GRIN2B: variants seen among roughly 807,000 people sequenced by gnomAD.
The protein encoded by GRIN2B is glutamate ionotropic receptor NMDA type subunit 2B.
Under a neutral mutation model 114.5 loss-of-function variants are expected in GRIN2B, and 5 were observed. The observed-to-expected ratio is 0.04, with a 90% CI of 0.02 to 0.09. The LOEUF (loss-of-function observed/expected upper bound fraction) is 0.09. Ranked by LOEUF, GRIN2B falls within the 10% of genes least tolerant of loss-of-function variation. GRIN2B has a pLI of 1.00. For synonymous variants in GRIN2B, 787 were observed against 745.1 expected, an observed-to-expected ratio of 1.06 and a Z score of -0.92; for missense variants, 1,108 against 1,943.5, an observed-to-expected ratio of 0.57 and a Z score of 8.08.
intron 3 of GRIN2B, among the ~76,000 whole-genome samples, chr12:13,813,105 A>G (rs1017056211): frequency 6.6e-6 from 1 of 151,844 alleles, no homozygotes; most frequent in Non-Finnish European, 1.5e-5. Context: ...ACTCCCAGCT[A>G]ATTTTTGTAT....
chr12:13,792,208 C>T (rs995857830), intron 3 of GRIN2B, among the ~76,000 whole-genome samples: 2 of 152,184 alleles, frequency 1.3e-5, no homozygotes, highest in Non-Finnish European at 2.9e-5. Flanking sequence ...ATTTTGAGTG[C>T]TTGGGCATGT....
intron 3 of GRIN2B, among the ~76,000 whole-genome samples, chr12:13,766,195 T>TTCTACTTCCTGCTGTAG (rs1863783423): frequency 6.6e-6 from 1 of 152,198 alleles, no homozygotes; most frequent in African/African-American, 2.4e-5. Context: ...GAAGTAGAAA[T>TTCTACTTCCTGCTGTAG]GAAGTATAAA....
intron 2 of GRIN2B, among the ~76,000 whole-genome samples, chr12:13,959,880 A>G (rs149018479): frequency 4.0e-4 from 60 of 150,510 alleles, no homozygotes; most frequent in African/African-American, 1.4e-3. Flanking sequence ...GGAACTGTAG[A>G]TTGCAGAATG....
chr12:13,671,466 C>A (rs1475792075), intron 5 of GRIN2B, among the ~76,000 whole-genome samples: 1 of 152,086 alleles, frequency 6.6e-6, no homozygotes, highest in Admixed American at 6.6e-5. Flanking sequence ...CTTTTAGGAA[C>A]CTAAAGGAAC....
At chr12:13,884,537 A>G (rs1213857054) in intron 2 of GRIN2B, among the ~76,000 whole-genome samples, 1 of 152,014 alleles carries the variant, frequency 6.6e-6, no homozygotes, top group East Asian at 1.9e-4. Context: ...TGCTTTCTAC[A>G]TAGACAGTCA....
At chr12:13,980,642 G>T (rs1478778081) in intron 1 of GRIN2B, among the ~76,000 whole-genome samples, 2 of 152,098 alleles carry the variant, frequency 1.3e-5, no homozygotes, top group East Asian at 3.9e-4. Context: ...GAGGGAAGTG[G>T]GAAGGAAGGA....
intron 2 of GRIN2B, among the ~76,000 whole-genome samples, chr12:13,952,793 C>T (rs188917142): frequency 4.6e-4 from 69 of 151,282 alleles, no homozygotes; most frequent in African/African-American, 1.5e-3. Context: ...TGTTTTTTTG[C>T]GTGCTTTATA....
intron 5 of GRIN2B, among the ~76,000 whole-genome samples, chr12:13,618,216 C>T (rs2136483694): frequency 6.6e-6 from 1 of 152,244 alleles, no homozygotes; most frequent in East Asian, 1.9e-4. Flanking sequence ...TACTAATGTC[C>T]TCTGCCAGTT....
rs986797318 is a variant in GRIN2B at position 13,555,457 on chromosome 12, T to C, written c.*7326A>G. On this transcript the variant is annotated 3_prime_UTR_variant, in exon 14 of 14. Transcript: ENST00000609686. Reference sequence around the variant, plus strand: ...ATAGGACAGAAATTCAAGAGTCAAATTGGATTGAGAGATTTGTCTTTAGAG... The same window carrying C: ...ATAGGACAGAAATTCAAGAGTCAAACTGGATTGAGAGATTTGTCTTTAGAG... 2.6e-5 allele frequency: 4 copies of C among 152,082 alleles called. No homozygotes were observed. Among genetic ancestry groups the C allele is most frequent in the African/African-American group, 9.7e-5 (4 of 41,412 alleles). The allele number at this position is 152,082 out of a possible 1,614,324, so 9.4% of individuals were successfully genotyped here. A position where few individuals can be genotyped will look rare whatever the true frequency, so the allele number is the denominator to read the frequency against.
At chr12:13,637,827 G>C (rs1482260058) in intron 5 of GRIN2B, among the ~76,000 whole-genome samples, 2 of 151,982 alleles carry the variant, frequency 1.3e-5, no homozygotes, top group East Asian at 1.9e-4. Context: ...TCCCTTTACT[G>C]TCTACTTTGT....
intron 3 of GRIN2B, among the ~76,000 whole-genome samples, chr12:13,825,054 CA>C (rs1282445245): frequency 6.6e-6 from 1 of 151,864 alleles, no homozygotes; most frequent in African/African-American, 2.4e-5. Context: ...TGAATATAAT[CA>C]TTTAATTTTA....
intron 3 of GRIN2B, among the ~76,000 whole-genome samples, chr12:13,777,052 C>A (rs1215399979): frequency 1.3e-5 from 2 of 152,102 alleles, no homozygotes; most frequent in Non-Finnish European, 2.9e-5. Context: ...AAGGGAATCC[C>A]AAGCCCTATC....
At position 13,547,951 on chromosome 12, in the gene GRIN2B, A is replaced by ATGTATATG. The variant is rs1555098036; in HGVS notation, c.*14831_*14832insCATATACA. On this transcript the variant is annotated 3_prime_UTR_variant, in exon 14 of 14. Coordinates refer to ENST00000609686, the MANE Select transcript of GRIN2B (RefSeq NM_000834.5). ...GTTATGTATATGTATGTATGTATGTATGTGTGTGTATATATATATATATAT... is the reference window on the plus strand; with the variant it reads ...GTTATGTATATGTATGTATGTATGTATGTATATGTGTGTGTGTATATATATATATATAT... The ATGTATATG allele has an allele frequency of 1.0e-5, 1 of 99,022 alleles. No homozygotes were observed. Among genetic ancestry groups the ATGTATATG allele is most frequent in the Non-Finnish European group, 2.1e-5 (1 of 48,350 alleles). 6.1% of individuals were successfully genotyped at this position (99,022 alleles called of 1,614,324 possible).
intron 3 of GRIN2B, among the ~76,000 whole-genome samples, chr12:13,861,230 A>G (rs1399215011): frequency 6.6e-6 from 1 of 152,244 alleles, no homozygotes; most frequent in Non-Finnish European, 1.5e-5. Flanking sequence ...ATTGTATAAT[A>G]GAAAGCATAG....
At chr12:13,771,564 T>C (rs1324700676) in intron 3 of GRIN2B, among the ~76,000 whole-genome samples, 4 of 152,196 alleles carry the variant, frequency 2.6e-5, no homozygotes, top group African/African-American at 9.6e-5. Flanking sequence ...GAAAGGTTAT[T>C]TACCATATCC....
chr12:13,649,113 G>A (rs985817908), intron 5 of GRIN2B, among the ~76,000 whole-genome samples: 10 of 152,168 alleles, frequency 6.6e-5, no homozygotes, highest in Admixed American at 4.6e-4. Context: ...CTCATTTGGA[G>A]GGAATATTAC....
chr12:13,664,666 CCTA>C (rs1949957272), intron 5 of GRIN2B, among the ~76,000 whole-genome samples: 1 of 152,006 alleles, frequency 6.6e-6, no homozygotes, highest in Non-Finnish European at 1.5e-5. Flanking sequence ...GAATTTTATT[CCTA>C]CTTTTTCTTT....
intron 4 of GRIN2B, among the ~76,000 whole-genome samples, chr12:13,700,195 G>C (rs576883390): frequency 1.3e-5 from 2 of 152,170 alleles, no homozygotes; most frequent in South Asian, 4.1e-4. Flanking sequence ...TATTCTCATT[G>C]TATTCCTATT....
intron 10 of GRIN2B, among the ~76,000 whole-genome samples, chr12:13,578,637 T>TA (rs1225839319): frequency 6.6e-6 from 1 of 152,130 alleles, no homozygotes; most frequent in African/African-American, 2.4e-5. Flanking sequence ...ACCAGTAAAA[T>TA]ATAATAAAAT....
Sources: allele counts gnomAD v4.1 joint callset (sites outside exome capture counted in the v4.1 genomes callset), GRCh38; gene constraint gnomAD v4.1.1; transcripts MANE v1.5; gene names NCBI Gene and HGNC (gene_info 2026-07-23, HGNC 2026-07-21).